Variants in PCDH9 observed in about 807,000 individuals in gnomAD.
PCDH9 encodes protocadherin-9.
In PCDH9, 24 loss-of-function variants were observed where a neutral mutation model predicts 70.6. The observed-to-expected ratio is 0.34, with a 90% CI of 0.25 to 0.48. The LOEUF (loss-of-function observed/expected upper bound fraction) is 0.48, where lower values mean the gene tolerates loss of function less well. Among genes scored for constraint, PCDH9 ranks in the 20% least tolerant of loss-of-function variants. The pLI is 0.99. For missense variants in PCDH9, 1,281 were observed against 1,503.6 expected (o/e 0.85, Z 2.45); for synonymous variants, 562 against 558.5 (o/e 1.01, Z -0.09).
rs199919953 is a variant in PCDH9, at chr13:66,489,829, A to T, written c.3340+141381T>A. Among the ~76,000 whole-genome samples the T allele has an allele frequency of 5.3e-4, 81 of 152,314 alleles. No individual in the cohort carries two copies. In the East Asian group the frequency reaches 0.014, roughly 25 times the overall value. On this transcript the variant is annotated intron_variant, in intron 4 of 4. Transcript: ENST00000377865. ...TATAATCAGTTTCTGTTATGATAAG[A>T]ACACGGAGAGCTAGTAACAGTCTTA... is the stretch of plus-strand genomic sequence containing the variant.
intron 4 of PCDH9, among the ~76,000 whole-genome samples, chr13:66,614,898 A>G (rs61960070): frequency 1.3e-5 from 2 of 152,148 alleles, no homozygotes; most frequent in Non-Finnish European, 2.9e-5. Flanking sequence ...GGGACCTCAC[A>G]TTTTGTATTT....
intron 4 of PCDH9, among the ~76,000 whole-genome samples, chr13:66,320,008 G>GA (rs1381997847): frequency 6.6e-6 from 1 of 151,968 alleles, no homozygotes; most frequent in Non-Finnish European, 1.5e-5. Context: ...CAATTATTAA[G>GA]ATAATAAGTC....
intron 4 of PCDH9, among the ~76,000 whole-genome samples, chr13:66,521,653 A>C (rs1959992591): frequency 6.6e-6 from 1 of 152,154 alleles, no homozygotes; most frequent in Non-Finnish European, 1.5e-5. Context: ...TATTTTATAC[A>C]CAGAGAGGCT....
chr13:66,779,871 A>ATATGTG (rs2079966994), intron 3 of PCDH9, among the ~76,000 whole-genome samples: 1 of 18,824 alleles, frequency 5.3e-5, no homozygotes, highest in Non-Finnish European at 1.3e-4. Flanking sequence ...ATATATACAT[A>ATATGTG]TATGTGTGTG....
intron 4 of PCDH9, among the ~76,000 whole-genome samples, chr13:66,572,444 A>G (rs1056627854): frequency 6.6e-6 from 1 of 152,044 alleles, no homozygotes; most frequent in Non-Finnish European, 1.5e-5. Context: ...GTTCCCACAT[A>G]CAAGTGAGAA....
chr13:67,178,121 T>A (rs939267958), intron 2 of PCDH9, among the ~76,000 whole-genome samples: 3 of 152,116 alleles, frequency 2.0e-5, no homozygotes, highest in Admixed American at 2.0e-4. Context: ...CTTCTCTACC[T>A]CACTTACTGC....
intron 3 of PCDH9, among the ~76,000 whole-genome samples, chr13:66,703,178 T>G (rs2139112217): frequency 6.6e-6 from 1 of 152,334 alleles, no homozygotes; most frequent in South Asian, 2.1e-4. Context: ...TTTCAGTTTA[T>G]TACCATCACG....
intron 2 of PCDH9, among the ~76,000 whole-genome samples, chr13:67,141,977 A>G (rs541367042): frequency 9.9e-5 from 15 of 152,252 alleles, no homozygotes; most frequent in African/African-American, 3.6e-4. Context: ...TGGAATTTGA[A>G]ATTTTATATA....
intron 2 of PCDH9, among the ~76,000 whole-genome samples, chr13:66,971,807 A>G (rs2083527524): frequency 6.6e-6 from 1 of 151,934 alleles, no homozygotes; most frequent in African/African-American, 2.4e-5. Context: ...AACCCAAAAC[A>G]TATTTTAGTT....
At chr13:66,890,578 C>T (rs2082080794) in intron 3 of PCDH9, among the ~76,000 whole-genome samples, 1 of 150,944 alleles carries the variant, frequency 6.6e-6, no homozygotes, top group African/African-American at 2.4e-5. Context: ...TTCTCAAGTA[C>T]CTGGAAGTCA....
chr13:66,804,456 A>G (rs1025545733), intron 3 of PCDH9, among the ~76,000 whole-genome samples: 13 of 151,968 alleles, frequency 8.6e-5, no homozygotes, highest in African/African-American at 3.1e-4. Context: ...ATTTTAACAA[A>G]GTTTCTTGGT....
chr13:66,330,591 G>T (rs981451340), intron 4 of PCDH9, among the ~76,000 whole-genome samples: 1 of 152,066 alleles, frequency 6.6e-6, no homozygotes, highest in Non-Finnish European at 1.5e-5. Flanking sequence ...TTGTGTGGGG[G>T]TGGGGGAAAG....
chr13:66,986,090 G>A (rs2083886410), intron 2 of PCDH9, among the ~76,000 whole-genome samples: 1 of 151,926 alleles, frequency 6.6e-6, no homozygotes, highest in Admixed American at 6.6e-5. Context: ...TGGCTGGGGA[G>A]GCCTCAGGAA....
intron 2 of PCDH9, among the ~76,000 whole-genome samples, chr13:66,918,214 AAG>A (rs1175645547): frequency 6.6e-6 from 1 of 151,172 alleles, no homozygotes; most frequent in East Asian, 1.9e-4. Context: ...AATAGAGAGG[AAG>A]AGAGAGGGGA....
chr13:66,632,749 C>T (rs1033607169), intron 3 of PCDH9, among the ~76,000 whole-genome samples: 2 of 151,948 alleles, frequency 1.3e-5, no homozygotes, highest in African/African-American at 2.4e-5. Flanking sequence ...AGTACATTTG[C>T]GCTATTTGAA....
At chr13:67,104,338 C>G (rs527465482) in intron 2 of PCDH9, among the ~76,000 whole-genome samples, 2 of 152,256 alleles carry the variant, frequency 1.3e-5, no homozygotes, top group East Asian at 1.9e-4. Context: ...TTAAAGGGCT[C>G]TTAGACACGT....
At position 66,720,326 on chromosome 13, in the gene PCDH9, G is replaced by GTT. The variant is rs66600272; in HGVS notation, c.3139-88917_3139-88916dup. Reference sequence around the variant, plus strand: ...ATACCTGGCTAATTTTTGCTTTTTTGTTTTTTTTTTTTTTTTGGTAGAGAC... The same window carrying GTT: ...ATACCTGGCTAATTTTTGCTTTTTTGTTTTTTTTTTTTTTTTTTGGTAGAGAC... On this transcript the variant is annotated intron_variant, in intron 3 of 4. Transcript: ENST00000377865. Among the ~76,000 whole-genome samples the GTT allele has an allele frequency of 1.9e-3, 245 of 132,030 alleles. 4 individuals carry two copies. Among genetic ancestry groups the GTT allele is most frequent in the Middle Eastern group, 7.6e-3 (2 of 264 alleles). The allele number at this position is 132,030 out of a possible 152,430, so 86.6% of individuals were successfully genotyped here. A position where few individuals can be genotyped will look rare whatever the true frequency, so the allele number is the denominator to read the frequency against.
At chr13:66,863,699 A>C (rs901880316) in intron 3 of PCDH9, among the ~76,000 whole-genome samples, 1 of 151,950 alleles carries the variant, frequency 6.6e-6, no homozygotes, top group Non-Finnish European at 1.5e-5. Flanking sequence ...TGTTAGCCAG[A>C]TGGTCTTGAT....
At chr13:66,556,943 T>C (rs1269711299) in intron 4 of PCDH9, among the ~76,000 whole-genome samples, 1 of 152,126 alleles carries the variant, frequency 6.6e-6, no homozygotes, top group African/African-American at 2.4e-5. Context: ...AATCAATACT[T>C]AAGAGCCTTT....
Sources: allele counts gnomAD v4.1 joint callset (sites outside exome capture counted in the v4.1 genomes callset), GRCh38; gene constraint gnomAD v4.1.1; transcripts MANE v1.5; gene names NCBI Gene and HGNC (gene_info 2026-07-23, HGNC 2026-07-21).